PPP3CB: variants seen among roughly 807,000 people sequenced by gnomAD.
PPP3CB encodes the protein serine/threonine-protein phosphatase 2B catalytic subunit beta isoform.
PPP3CB carries 8 observed loss-of-function variants against 66.4 expected under a neutral mutation model. That is an observed-to-expected ratio of 0.12 (90% CI 0.07 to 0.22). The LOEUF (loss-of-function observed/expected upper bound fraction) is 0.22, where lower values mean the gene tolerates loss of function less well. Ranked by LOEUF, PPP3CB falls within the 10% of genes least tolerant of loss-of-function variation. PPP3CB has a pLI of 1.00. For missense variants in PPP3CB, 319 were observed against 642.5 expected, an observed-to-expected ratio of 0.50 and a Z score of 5.44; for synonymous variants, 208 against 221.2, an observed-to-expected ratio of 0.94 and a Z score of 0.53.
intron 1 of PPP3CB, among the ~76,000 whole-genome samples, chr10:73,486,295 GTTTTT>G (rs1206671127): frequency 2.5e-5 from 3 of 117,798 alleles, no homozygotes; most frequent in Admixed American, 8.8e-5. Context: ...GGCCAGACTG[GTTTTT>G]TTTTTTTTTT....
In PPP3CB at chr10:73,439,868, A is replaced by G; in HGVS notation, c.1396+4T>C. 3 of 1,613,382 alleles carry G rather than the reference A, an allele frequency of 1.9e-6. No individual in the cohort carries two copies. The highest frequency in any genetic ancestry group is 2.2e-5 in the East Asian group (1 of 44,874). ...TCTGCCCAGCACAAGGACTCTGATC[A>G]TACCTTTTTCAGCCTCAATAGCCTC... is the stretch of plus-strand genomic sequence containing the variant. On this transcript the variant is annotated splice_donor_region_variant and intron_variant, in intron 13 of 13. Transcript: ENST00000360663.
chr10:73,486,295 GTTTT>G (rs1206671127), intron 1 of PPP3CB, among the ~76,000 whole-genome samples: 44 of 117,786 alleles, frequency 3.7e-4, no homozygotes, highest in African/African-American at 1.2e-3. Flanking sequence ...GGCCAGACTG[GTTTT>G]TTTTTTTTTT....
chr10:73,459,439 T>C (rs1036358003), intron 9 of PPP3CB, among the ~76,000 whole-genome samples: 1 of 152,250 alleles, frequency 6.6e-6, no homozygotes, highest in African/African-American at 2.4e-5. Flanking sequence ...TGAGCCAAGA[T>C]CGCGCCACTG....
intron 1 of PPP3CB, among the ~76,000 whole-genome samples, chr10:73,489,740 A>G (rs1011453111): frequency 4.6e-5 from 7 of 152,200 alleles, no homozygotes. Context: ...CTCAACTTGT[A>G]ATACAAAAGA....
chr10:73,479,025 C>T (rs2056833874), intron 2 of PPP3CB, among the ~76,000 whole-genome samples: 1 of 152,128 alleles, frequency 6.6e-6, no homozygotes, highest in Admixed American at 6.5e-5. Context: ...GTATTTGACC[C>T]TAACAATTGA....
At chr10:73,477,958 C>T (rs1403621088) in intron 3 of PPP3CB, among the ~76,000 whole-genome samples, 2 of 151,970 alleles carry the variant, frequency 1.3e-5, no homozygotes, top group Non-Finnish European at 2.9e-5. Context: ...AGAAAAGGAA[C>T]CATCTACTGT....
In PPP3CB at chr10:73,473,786, G is replaced by A. The variant is rs557538914; in HGVS notation, c.523+1133C>T. Among the ~76,000 whole-genome samples, 8 of 152,068 alleles carry A rather than the reference G, an allele frequency of 5.3e-5. No homozygotes were observed. In the East Asian group the frequency reaches 9.6e-4, roughly 18 times the overall value. On this transcript the variant is annotated intron_variant, in intron 4 of 13. Transcript: ENST00000360663. ...TGCTATAATAATTTGAGAGAGAAAA[G>A]GGATAAACATTGCAGGTTAAGAATT...
chr10:73,490,573 C>T (rs918563671), intron 1 of PPP3CB, among the ~76,000 whole-genome samples: 9 of 152,160 alleles, frequency 5.9e-5, no homozygotes, highest in African/African-American at 2.2e-4. Flanking sequence ...GATTGGCACG[C>T]TTTGTTTAAT....
At chr10:73,449,496 C>T (rs1012905082) in intron 10 of PPP3CB, among the ~76,000 whole-genome samples, 1 of 152,062 alleles carries the variant, frequency 6.6e-6, no homozygotes, top group Non-Finnish European at 1.5e-5. Flanking sequence ...TATATTATTC[C>T]TTTATAGGAA....
At chr10:73,448,796 T>A in intron 10 of PPP3CB, 1 of 514,880 alleles carries the variant, frequency 1.9e-6, no homozygotes, top group Non-Finnish European at 3.9e-6. Context: ...GAAGAATGAA[T>A]GTAGAAAGAG....
chr10:73,466,191 C>T (rs1329410218), intron 9 of PPP3CB, among the ~76,000 whole-genome samples: 1 of 152,174 alleles, frequency 6.6e-6, no homozygotes, highest in African/African-American at 2.4e-5. Context: ...AGCTCTAAAA[C>T]CCTATGATGC....
intron 1 of PPP3CB, among the ~76,000 whole-genome samples, chr10:73,481,478 TATATATATAC>T (rs2056877397): frequency 6.6e-6 from 1 of 150,684 alleles, no homozygotes; most frequent in African/African-American, 2.4e-5. Context: ...CAAATATATA[TATATATATAC>T]ATATATATAT....
Position 73,495,931 on chromosome 10 carries a change from T to TGGGGGC in PPP3CB, c.-48_-43dup, listed in dbSNP as rs1157589380. ...GGCTAGGCTCTGGGCCGGGCGGGGT[T>TGGGGGC]GGGGGCGGGGGCGGCGGCTACCAGA... On this transcript the variant is annotated 5_prime_UTR_variant, in exon 1 of 14. Coordinates refer to ENST00000360663, the MANE Select transcript of PPP3CB (RefSeq NM_021132.4). The TGGGGGC allele has an allele frequency of 3.0e-5, 3 of 99,698 alleles. No individual in the cohort carries two copies. Among genetic ancestry groups the TGGGGGC allele is most frequent in the African/African-American group, 9.2e-5 (1 of 10,884 alleles). The allele number at this position is 99,698 out of a possible 1,614,324, so 6.2% of individuals were successfully genotyped here. A position where few individuals can be genotyped will look rare whatever the true frequency, so the allele number is the denominator to read the frequency against.
intron 9 of PPP3CB, among the ~76,000 whole-genome samples, chr10:73,454,950 G>A (rs2056401139): frequency 6.6e-6 from 1 of 151,458 alleles, no homozygotes; most frequent in African/African-American, 2.4e-5. Context: ...TCGGCTCACT[G>A]CAACCTCTGC....
chr10:73,473,422 G>C (rs2056733813), intron 4 of PPP3CB, among the ~76,000 whole-genome samples: 1 of 152,184 alleles, frequency 6.6e-6, no homozygotes, highest in African/African-American at 2.4e-5. Flanking sequence ...GGGAGGACGA[G>C]GCAGGTGGAT....
chr10:73,470,957 C>T lies in PPP3CB; in HGVS notation c.817G>A (p.Ala273Thr), dbSNP rs1374511730. 1 of 1,612,964 alleles carries T rather than the reference C, an allele frequency of 6.2e-7. No individual in the cohort carries two copies. The highest frequency in any genetic ancestry group is 1.1e-5 in the South Asian group (1 of 90,946). The change falls in exon 7 of 14, where the codon GCA becomes ACA. Residue 273 changes from alanine to threonine, a missense_variant. Around this residue, in one of 5 missense-constraint regions of PPP3CB, gnomAD observed 120 missense variants for 331.2 expected, o/e 0.36. Coordinates refer to ENST00000360663, the MANE Select transcript of PPP3CB (RefSeq NM_021132.4). ...TTGTTTTGCAAAAATTCACACACTG[C>T]TGGATAGCTGTGGGGGAAAAAGAGT... ...RGCSYFYNYP[A>T]VCEFLQNNNL...
chr10:73,484,590 GT>G (rs938254174), intron 1 of PPP3CB, among the ~76,000 whole-genome samples: 31 of 142,750 alleles, frequency 2.2e-4, no homozygotes, highest in Middle Eastern at 3.7e-3. Context: ...CTTTTCCAGA[GT>G]TTTTTTTTTT....
intron 8 of PPP3CB, among the ~76,000 whole-genome samples, chr10:73,468,637 T>C (rs917165960): frequency 6.6e-6 from 1 of 152,230 alleles, no homozygotes; most frequent in African/African-American, 2.4e-5. Context: ...TTTTTTCATT[T>C]TAATGAAAAG....
At chr10:73,464,215 A>C (rs1235440979) in intron 9 of PPP3CB, among the ~76,000 whole-genome samples, 2 of 152,156 alleles carry the variant, frequency 1.3e-5, no homozygotes, top group East Asian at 3.8e-4. Context: ...GGCATGAGCC[A>C]CCACGCCTGG....
Sources: gnomAD v4.1 joint callset for allele counts (sites outside exome capture counted in the v4.1 genomes callset) on GRCh38, gnomAD v4.1.1 for gene constraint, gnomAD v4.1.1 regional missense constraint, MANE v1.5 for transcripts, NCBI Gene and HGNC (gene_info 2026-07-23, HGNC 2026-07-21) for gene names.